The following TTLL7 variants were observed in gnomAD, a reference collection of about 807,000 sequenced individuals.
TTLL7 encodes tubulin polyglutamylase TTLL7.
In TTLL7, 53 loss-of-function variants were observed where a neutral mutation model predicts 120.2. The observed-to-expected ratio is 0.44, with a 90% confidence interval of 0.35 to 0.55. The LOEUF (loss-of-function observed/expected upper bound fraction) is 0.55. Ranked by LOEUF, TTLL7 falls within the 20% of genes least tolerant of loss-of-function variation. TTLL7 has a pLI of 0.00. For synonymous variants in TTLL7, 353 were observed against 351.7 expected, an observed-to-expected ratio of 1.00 and a Z score of -0.04; for missense variants, 803 against 1,054.7, an observed-to-expected ratio of 0.76 and a Z score of 3.31.
At chr1:83,912,243 A>C (rs1056507013) in intron 14 of TTLL7, among the ~76,000 whole-genome samples, 1 of 152,120 alleles carries the variant, frequency 6.6e-6, no homozygotes, top group African/African-American at 2.4e-5. Flanking sequence ...AAAGACTGAA[A>C]ATGCCATGCT....
intron 14 of TTLL7, among the ~76,000 whole-genome samples, chr1:83,914,195 T>C (rs773755384): frequency 3.9e-5 from 6 of 152,072 alleles, no homozygotes; most frequent in Non-Finnish European, 8.8e-5. Flanking sequence ...CATTTCACTA[T>C]CCAAGAACCT....
At chr1:83,931,565 A>G (rs1659601278) in intron 9 of TTLL7, among the ~76,000 whole-genome samples, 1 of 152,126 alleles carries the variant, frequency 6.6e-6, no homozygotes, top group African/African-American at 2.4e-5. Context: ...TATAACTATT[A>G]CCATAAAATG....
chr1:83,927,210 G>A (rs1444419998), intron 10 of TTLL7, among the ~76,000 whole-genome samples: 1 of 152,120 alleles, frequency 6.6e-6, no homozygotes, highest in Non-Finnish European at 1.5e-5. Flanking sequence ...GCAAAGCACT[G>A]TACTAAGCAC....
intron 4 of TTLL7, 148 bp downstream of exon 4, chr1:83,949,717 A>G: frequency 1.3e-6 from 1 of 781,694 alleles, no homozygotes. Context: ...CAAAGAGCCA[A>G]TACAACTGGA....
chr1:83,921,033 C>A, intron 12 of TTLL7, 54 bp downstream of exon 12: 1 of 1,520,514 alleles, frequency 6.6e-7, no homozygotes, highest in South Asian at 1.2e-5. Flanking sequence ...CATGAAGAAT[C>A]ATTGCTTTGA....
At chr1:83,948,178 C>T (rs1648693256) in intron 5 of TTLL7, among the ~76,000 whole-genome samples, 1 of 115,150 alleles carries the variant, frequency 8.7e-6, no homozygotes, top group South Asian at 2.5e-4. Flanking sequence ...TATGAAGACA[C>T]ACACAAACAC....
intron 16 of TTLL7, 59 bp downstream of exon 16, chr1:83,907,397 C>A (rs1489094534): frequency 4.1e-6 from 6 of 1,460,122 alleles, no homozygotes; most frequent in Non-Finnish European, 5.7e-6. Context: ...CTCATCTGAT[C>A]CCCTTTGCCT....
intron 16 of TTLL7, 188 bp from the exon 17 acceptor site, chr1:83,906,651 T>C: frequency 1.5e-6 from 1 of 688,980 alleles, no homozygotes; most frequent in Non-Finnish European, 2.4e-6. Flanking sequence ...CAAGAGTGTC[T>C]TTCACACTTC....
chr1:83,894,350 C>T (rs941199340), intron 18 of TTLL7, among the ~76,000 whole-genome samples: 8 of 152,042 alleles, frequency 5.3e-5, no homozygotes, highest in Non-Finnish European at 1.2e-4. Context: ...TTAAGTTCAT[C>T]AGTTTTCACA....
chr1:83,927,314 A>C (rs1209127202), intron 10 of TTLL7, among the ~76,000 whole-genome samples: 2 of 152,312 alleles, frequency 1.3e-5, no homozygotes, highest in East Asian at 3.9e-4. Flanking sequence ...AACACCACAG[A>C]GGATAAGAGA....
chr1:83,933,852 C>T (rs1659801672), intron 8 of TTLL7, 86 bp from the exon 9 acceptor site: 1 of 1,346,258 alleles, frequency 7.4e-7, no homozygotes, highest in Non-Finnish European at 1.0e-6. Flanking sequence ...AAACTGGCAG[C>T]CTGGCCAAGT....
intron 19 of TTLL7, among the ~76,000 whole-genome samples, chr1:83,884,123 C>T (rs1161408982): frequency 6.6e-6 from 1 of 150,934 alleles, no homozygotes; most frequent in African/African-American, 2.4e-5. Context: ...ACTACTCCAC[C>T]AGTAGGGAGG....
chr1:83,920,956 A>G, intron 12 of TTLL7, 131 bp downstream of exon 12: 1 of 946,252 alleles, frequency 1.1e-6, no homozygotes, highest in Non-Finnish European at 1.5e-6. Flanking sequence ...TTTCTGAAAG[A>G]CAGTAAGCAA....
chr1:83,998,446 A>G (rs1653683486), intron 1 of TTLL7, among the ~76,000 whole-genome samples: 1 of 152,240 alleles, frequency 6.6e-6, no homozygotes, highest in Non-Finnish European at 1.5e-5. Context: ...CATCCAACAG[A>G]GCAAGATGTG....
At chr1:83,942,124 T>C (rs1648035953) in intron 7 of TTLL7, among the ~76,000 whole-genome samples, 1 of 152,202 alleles carries the variant, frequency 6.6e-6, no homozygotes, top group South Asian at 2.1e-4. Flanking sequence ...ACTTAATCTG[T>C]ACTTCTCCAT....
At chr1:83,883,686 T>C (rs1654721062) in intron 19 of TTLL7, among the ~76,000 whole-genome samples, 1 of 152,050 alleles carries the variant, frequency 6.6e-6, no homozygotes. Context: ...TTCTCAAAAA[T>C]TAAGTATTCT....
intron 18 of TTLL7, among the ~76,000 whole-genome samples, chr1:83,893,141 G>A (rs749486271): frequency 6.6e-6 from 1 of 151,618 alleles, no homozygotes; most frequent in Admixed American, 6.6e-5. Context: ...TGATTTGCGT[G>A]TTGGGTTCAC....
intron 1 of TTLL7, among the ~76,000 whole-genome samples, chr1:83,967,413 C>A (rs1650568687): frequency 6.6e-6 from 1 of 152,102 alleles, no homozygotes; most frequent in Non-Finnish European, 1.5e-5. Flanking sequence ...TTCATTCAGA[C>A]CTCATCTTTG....
Position 83,868,553 on chromosome 1 carries a change from T to G in TTLL7, c.*1409A>C, listed in dbSNP as rs963274746. 6.6e-6 allele frequency: 1 copy of G among 152,236 alleles called. No homozygotes were observed. Among genetic ancestry groups the G allele is most frequent in the Non-Finnish European group, 1.5e-5 (1 of 68,034 alleles). The allele number at this position is 152,236 out of a possible 1,614,324, so 9.4% of individuals were successfully genotyped here. ...ACTGATGACTTGTAATATGTGATAATTGAAATCTTCTATTCACAATCCTTT... is the reference window on the plus strand; with the variant it reads ...ACTGATGACTTGTAATATGTGATAAGTGAAATCTTCTATTCACAATCCTTT... On this transcript the variant is annotated 3_prime_UTR_variant, in exon 21 of 21. Transcript: ENST00000260505.
Sources: gnomAD v4.1 joint callset for allele counts (sites outside exome capture counted in the v4.1 genomes callset) on GRCh38, gnomAD v4.1.1 for gene constraint, MANE v1.5 for transcripts, NCBI Gene and HGNC (gene_info 2026-07-23, HGNC 2026-07-21) for gene names.